GALK2: variants seen among roughly 807,000 people sequenced by gnomAD.
GALK2 encodes the protein galactokinase 2.
In GALK2, 36 loss-of-function variants were observed where a neutral mutation model predicts 52.4. That is an observed-to-expected ratio of 0.69 (90% CI 0.53 to 0.91). The LOEUF is 0.91. GALK2 is among the 40% of genes least tolerant of loss of function. The probability of loss-of-function intolerance (pLI) is 0.00; values close to 1 mark genes in which losing one functional copy is unlikely to be tolerated. For missense variants in GALK2, 579 were observed against 559.1 expected (o/e 1.04, Z -0.36); for synonymous variants, 176 against 199.1 (o/e 0.88, Z 0.98).
At chr15:49,303,812 G>T (rs764589637) in intron 8 of GALK2, among the ~76,000 whole-genome samples, 1 of 152,156 alleles carries the variant, frequency 6.6e-6, no homozygotes, top group Admixed American at 6.6e-5. Flanking sequence ...AGCCTTGCTG[G>T]TCTTCTCATT....
At chr15:49,195,094 C>T (rs890926226) in intron 1 of GALK2, 22 of 452,650 alleles carry the variant, frequency 4.9e-5, no homozygotes, top group East Asian at 4.3e-4. Context: ...GATGGAGTCT[C>T]GCTCTGTCAC....
At chr15:49,257,519 T>G (rs1323130360) in intron 5 of GALK2, among the ~76,000 whole-genome samples, 1 of 152,232 alleles carries the variant, frequency 6.6e-6, no homozygotes, top group East Asian at 1.9e-4. Context: ...TGTATTCTCC[T>G]TTAGTGTAAA....
chr15:49,186,380 G>A (rs1266576259), intron 1 of GALK2, among the ~76,000 whole-genome samples: 2 of 151,624 alleles, frequency 1.3e-5, no homozygotes, highest in African/African-American at 4.9e-5. Context: ...TCTTCTACTT[G>A]ATCAATTCTG....
intron 3 of GALK2, among the ~76,000 whole-genome samples, chr15:49,232,656 AG>A (rs1243877357): frequency 1.3e-5 from 2 of 152,216 alleles, no homozygotes; most frequent in East Asian, 3.9e-4. Context: ...ATATGAACAT[AG>A]GTTGTTAGAA....
At chr15:49,349,905 G>GA (rs1381379569) in intron 3 of GALK2, among the ~76,000 whole-genome samples, 5 of 151,870 alleles carry the variant, frequency 3.3e-5, no homozygotes, top group East Asian at 3.9e-4. Flanking sequence ...AATGAAAGGG[G>GA]AAAAAAAATC....
intron 7 of GALK2, among the ~76,000 whole-genome samples, chr15:49,290,890 A>G (rs190813304): frequency 2.0e-5 from 3 of 152,328 alleles, no homozygotes; most frequent in Admixed American, 2.0e-4. Flanking sequence ...GCAGCAAGAA[A>G]GAGTTATAAG....
At chr15:49,294,041 A>C (rs1343509075) in intron 8 of GALK2, among the ~76,000 whole-genome samples, 7 of 151,834 alleles carry the variant, frequency 4.6e-5, no homozygotes, top group Non-Finnish European at 7.4e-5. Context: ...CAGAGGTTGC[A>C]GTAAGCTGAC....
chr15:49,211,782 C>G lies in GALK2; in HGVS notation c.143-5408C>G, dbSNP rs558059884. 1.2e-3 allele frequency among the ~76,000 whole-genome samples: 179 copies of G among 152,250 alleles called. 1 individual carries two copies. The highest frequency in any genetic ancestry group is 1.7e-3 in the Non-Finnish European group (115 of 68,018). ...TTTAAATGATCAGATCTCATGAGAACTCTATCATGAGAACCACACTCAGGA... is the reference window on the plus strand; with the variant it reads ...TTTAAATGATCAGATCTCATGAGAAGTCTATCATGAGAACCACACTCAGGA... On this transcript the variant is annotated intron_variant, in intron 2 of 9. Coordinates refer to ENST00000560031, the MANE Select transcript of GALK2 (RefSeq NM_002044.4).
rs1027947228 is a variant in GALK2, at chr15:49,347,399, A to G, written c.427-20092A>G. ...TTAGTGCAGGGTTGTTTAAAAGTAGATGAAGGTGCTTCTCCTTTCTACTAT... is the reference window on the plus strand; with the variant it reads ...TTAGTGCAGGGTTGTTTAAAAGTAGGTGAAGGTGCTTCTCCTTTCTACTAT... On this transcript the variant is annotated intron_variant, in intron 3 of 3. Transcript: ENST00000558399. Among the ~76,000 whole-genome samples, 3 of 152,190 alleles carry G rather than the reference A, an allele frequency of 2.0e-5. No individual in the cohort carries two copies. In the East Asian group the frequency reaches 5.8e-4, roughly 29 times the overall value.
chr15:49,202,431 T>C (rs374635380), intron 2 of GALK2, among the ~76,000 whole-genome samples: 5 of 152,190 alleles, frequency 3.3e-5, no homozygotes, highest in East Asian at 1.9e-4. Flanking sequence ...TTAGCCTCCA[T>C]ATATGAGTGA....
chr15:49,288,671 T>C (rs1567024619), intron 7 of GALK2, among the ~76,000 whole-genome samples: 1 of 152,172 alleles, frequency 6.6e-6, no homozygotes, highest in Non-Finnish European at 1.5e-5. Flanking sequence ...GAGTCCGAGC[T>C]GCATGGCAGA....
At chr15:49,178,294 CATGTACATATATGTATGCACATAT>C (rs1490241448) in intron 1 of GALK2, 3 of 125,434 alleles carry the variant, frequency 2.4e-5, no homozygotes, top group African/African-American at 9.0e-5. Context: ...ATCATATATA[CATGTACATATATGTATGCACATAT>C]ATGTATGTAC....
intron 5 of GALK2, among the ~76,000 whole-genome samples, chr15:49,260,120 G>C (rs970816112): frequency 6.6e-6 from 1 of 151,982 alleles, no homozygotes; most frequent in African/African-American, 2.4e-5. Flanking sequence ...TGGGTGAAAT[G>C]GTATTTCTAG....
intron 9 of GALK2, among the ~76,000 whole-genome samples, chr15:49,326,600 C>A (rs1215711947): frequency 6.6e-6 from 1 of 152,064 alleles, no homozygotes; most frequent in African/African-American, 2.4e-5. Context: ...CTTTGCCAAC[C>A]TAGAAATTTA....
chr15:49,173,430 C>G (rs2085234724), intron 1 of GALK2, among the ~76,000 whole-genome samples: 1 of 152,128 alleles, frequency 6.6e-6, no homozygotes, highest in South Asian at 2.1e-4. Context: ...ACACTGAATA[C>G]ATTTTTAATA....
In GALK2 at chr15:49,283,699, A is replaced by G. The variant is rs923023650; in HGVS notation, c.737A>G (p.Glu246Gly). 1 of 1,613,798 alleles carries G rather than the reference A, an allele frequency of 6.2e-7. No individual in the cohort carries two copies. Among genetic ancestry groups the G allele is most frequent in the African/African-American group, 1.3e-5 (1 of 74,890 alleles). ...ATSHFNIRVM[E>G]CRLAAKLLAK... ...TCCCATTTCAATATCAGGGTGATGG[A>G]GTGTCGGCTGGCTGCGAAGGTATGA... is the stretch of plus-strand genomic sequence containing the variant. The change falls in exon 7 of 10, where the codon GAG (glutamate) becomes GGG (glycine). Residue 246 changes from glutamate (E) to glycine (G), a missense_variant. Glu to Gly is a moderately conservative substitution (Grantham distance 98). Transcript: ENST00000560031.
At position 49,265,439 on chromosome 15, in the gene GALK2, G is replaced by A. The variant is rs147564433; in HGVS notation, c.505-16548G>A. ...GCCCGTCGGAAAAGCGCAGTGTTGGGTTGGGAGTGATGCGATTTTCCAGGT... is the reference window on the plus strand; with the variant it reads ...GCCCGTCGGAAAAGCGCAGTGTTGGATTGGGAGTGATGCGATTTTCCAGGT... On this transcript the variant is annotated intron_variant, in intron 5 of 9. Transcript: ENST00000560031. Among the ~76,000 whole-genome samples, 970 of 152,364 alleles carry A rather than the reference G, an allele frequency of 6.4e-3. 15 individuals carry two copies. The highest frequency in any genetic ancestry group is 0.022 in the African/African-American group (914 of 41,586).
At chr15:49,291,513 C>CT (rs1341005915) in intron 7 of GALK2, among the ~76,000 whole-genome samples, 1 of 152,162 alleles carries the variant, frequency 6.6e-6, no homozygotes, top group African/African-American at 2.4e-5. Flanking sequence ...AAATGCCCCT[C>CT]TGTCTTCACA....
intron 1 of GALK2, chr15:49,195,341 G>T (rs1199141417): frequency 4.4e-6 from 1 of 225,298 alleles, no homozygotes; most frequent in Non-Finnish European, 9.1e-6. Flanking sequence ...AAAGTGCTGG[G>T]ATTACAGGCA....
Sources: allele counts gnomAD v4.1 joint callset (sites outside exome capture counted in the v4.1 genomes callset), GRCh38; gene constraint gnomAD v4.1.1; transcripts MANE v1.5; gene names NCBI Gene and HGNC (gene_info 2026-07-23, HGNC 2026-07-21).